EYS: variants seen among roughly 807,000 people sequenced by gnomAD.
EYS encodes the protein EGF-like photoreceptor maintenance factor, also known as protein eyes shut homolog.
EYS carries 250 observed loss-of-function variants against 282.1 expected under a neutral mutation model. The observed-to-expected ratio is 0.89, with a 90% confidence interval of 0.80 to 0.98. EYS has a LOEUF of 0.98. Ranked by LOEUF, EYS falls within the 50% of genes least tolerant of loss-of-function variation. The pLI is 0.00. For missense variants in EYS, 4,016 were observed against 3,709.0 expected (o/e 1.08, Z -2.15); for synonymous variants, 1,355 against 1,282.9 (o/e 1.06, Z -1.20).
At chr6:65,684,573 T>C (rs1697143642) in intron 1 of EYS, among the ~76,000 whole-genome samples, 1 of 152,038 alleles carries the variant, frequency 6.6e-6, no homozygotes, top group South Asian at 2.1e-4. Flanking sequence ...GAGAATTTGG[T>C]AATATACATG....
intron 40 of EYS, among the ~76,000 whole-genome samples, chr6:63,772,090 T>C (rs910212735): frequency 6.6e-6 from 1 of 151,564 alleles, no homozygotes; most frequent in African/African-American, 2.4e-5. Context: ...GCACTAGAAG[T>C]GTTCATTGAT....
At chr6:64,378,832 A>G (rs973528631) in intron 29 of EYS, among the ~76,000 whole-genome samples, 7 of 152,296 alleles carry the variant, frequency 4.6e-5, no homozygotes, top group Admixed American at 3.3e-4. Flanking sequence ...TTCATAAGAA[A>G]GCACTATTGC....
At chr6:64,256,216 A>G (rs921082476) in intron 30 of EYS, among the ~76,000 whole-genome samples, 1 of 152,000 alleles carries the variant, frequency 6.6e-6, no homozygotes, top group Non-Finnish European at 1.5e-5. Flanking sequence ...ATCTTGATAA[A>G]TTTTCACTAC....
intron 36 of EYS, among the ~76,000 whole-genome samples, chr6:63,861,777 C>T (rs1772537023): frequency 6.6e-6 from 1 of 152,150 alleles, no homozygotes; most frequent in South Asian, 2.1e-4. Flanking sequence ...TAGTCCCTTC[C>T]ATGTGAGGAC....
At chr6:65,262,779 A>G (rs769402726) in intron 12 of EYS, among the ~76,000 whole-genome samples, 10 of 152,130 alleles carry the variant, frequency 6.6e-5, no homozygotes, top group Non-Finnish European at 1.5e-4. Context: ...AAGCTCATGT[A>G]GGTATCTCTA....
chr6:64,742,828 G>C (rs578156214), intron 22 of EYS, among the ~76,000 whole-genome samples: 1 of 152,204 alleles, frequency 6.6e-6, no homozygotes, highest in East Asian at 1.9e-4. Flanking sequence ...ATGCACACAG[G>C]GAGCTTAATC....
intron 28 of EYS, among the ~76,000 whole-genome samples, chr6:64,397,024 TG>T (rs1333380523): frequency 6.6e-6 from 1 of 152,118 alleles, no homozygotes; most frequent in African/African-American, 2.4e-5. Context: ...TACTGCCTAA[TG>T]CTAACGCCTT....
At chr6:65,405,072 A>C in intron 6 of EYS, 102 bp downstream of exon 6, 1 of 814,904 alleles carries the variant, frequency 1.2e-6, no homozygotes, top group Non-Finnish European at 2.0e-6. Flanking sequence ...TTAACAATTA[A>C]ACTACCTTAA....
intron 24 of EYS, among the ~76,000 whole-genome samples, chr6:64,616,561 T>G (rs1767281898): frequency 6.6e-6 from 1 of 152,114 alleles, no homozygotes; most frequent in Non-Finnish European, 1.5e-5. Context: ...GATTATTTTT[T>G]TCTATGTAAT....
intron 26 of EYS, among the ~76,000 whole-genome samples, chr6:64,533,446 A>G (rs1036077337): frequency 6.6e-6 from 1 of 152,090 alleles, no homozygotes; most frequent in Non-Finnish European, 1.5e-5. Context: ...AACCAGAAAA[A>G]ATAAAAGCAG....
intron 29 of EYS, among the ~76,000 whole-genome samples, chr6:64,307,778 A>G (rs1769509461): frequency 6.6e-6 from 1 of 152,014 alleles, no homozygotes; most frequent in Non-Finnish European, 1.5e-5. Context: ...TTGCTTCACT[A>G]TAGTTACTAT....
chr6:65,417,249 A>G (rs11963729), intron 5 of EYS, among the ~76,000 whole-genome samples: 9,209 of 152,116 alleles, frequency 0.061, 361 homozygotes, highest in African/African-American at 0.11. Flanking sequence ...ATAACAAAAT[A>G]TAATTTATCA....
intron 28 of EYS, among the ~76,000 whole-genome samples, chr6:64,390,770 T>C (rs1410659414): frequency 1.3e-4 from 20 of 149,610 alleles, no homozygotes; most frequent in Non-Finnish European, 2.2e-4. Flanking sequence ...CAAAGCTGGA[T>C]GGAGAATGAC....
At chr6:64,716,652 T>C (rs1305990772) in intron 22 of EYS, among the ~76,000 whole-genome samples, 2 of 152,206 alleles carry the variant, frequency 1.3e-5, no homozygotes, top group Non-Finnish European at 2.9e-5. Context: ...TCACCAATAG[T>C]GAAGAGCTTC....
chr6:64,549,575 C>A (rs537860611), intron 26 of EYS, among the ~76,000 whole-genome samples: 1 of 152,118 alleles, frequency 6.6e-6, no homozygotes, highest in Non-Finnish European at 1.5e-5. Context: ...CTTCTCCTGC[C>A]CACTCATAAA....
At chr6:63,875,477 T>C (rs1772943411) in intron 35 of EYS, among the ~76,000 whole-genome samples, 1 of 152,254 alleles carries the variant, frequency 6.6e-6, no homozygotes, top group African/African-American at 2.4e-5. Context: ...AGGATAATGT[T>C]GGCCTCACAA....
intron 36 of EYS, among the ~76,000 whole-genome samples, chr6:63,827,850 CAAAAAAAA>C (rs58843584): frequency 1.2e-5 from 1 of 85,052 alleles, no homozygotes; most frequent in Admixed American, 1.3e-4. Context: ...GACTCCGTCT[CAAAAAAAA>C]AAAAAAAAAA....
At position 64,230,665 on chromosome 6, in the gene EYS, G is replaced by GATGGC; in HGVS notation, c.6346_6350dup (p.Ile2117MetfsTer9). 2 of 1,551,606 alleles carry GATGGC rather than the reference G, an allele frequency of 1.3e-6. No homozygotes were observed. Among genetic ancestry groups the GATGGC allele is most frequent in the Non-Finnish European group, 8.7e-7 (1 of 1,146,904 alleles). On this transcript the variant is annotated frameshift_variant, in exon 31 of 43. Transcript: ENST00000503581. LOFTEE classifies it high-confidence loss of function. Reference sequence around the variant, plus strand: ...ATGACACTATGCCACTGGAGAGGAAGATGGCATGGCATGTGCCTCCATTGT... The same window carrying GATGGC: ...ATGACACTATGCCACTGGAGAGGAAGATGGCATGGCATGGCATGTGCCTCCATTGT...
chr6:64,421,983 G>A (rs1338824), intron 28 of EYS, among the ~76,000 whole-genome samples: 71 of 151,634 alleles, frequency 4.7e-4, no homozygotes, highest in African/African-American at 1.5e-3. Flanking sequence ...CAACTGGAAC[G>A]ATTTTGGCTC....
Sources: gnomAD v4.1 joint callset for allele counts (sites outside exome capture counted in the v4.1 genomes callset) on GRCh38, gnomAD v4.1.1 for gene constraint, MANE v1.5 for transcripts, NCBI Gene and HGNC (gene_info 2026-07-23, HGNC 2026-07-21) for gene names.